Variants in TFG observed in about 807,000 individuals in gnomAD.
The protein encoded by TFG is protein TFG.
In TFG, 22 loss-of-function variants were observed where a neutral mutation model predicts 51.4. That is an observed-to-expected ratio of 0.43 (90% CI 0.31 to 0.61). TFG has a LOEUF of 0.61. TFG is among the 20% of genes least tolerant of loss of function. The pLI is 0.12. For synonymous variants in TFG, 187 were observed against 165.6 expected (o/e 1.13, Z -0.99); for missense variants, 419 against 487.7 (o/e 0.86, Z 1.33).
chr3:100,722,309 G>A (rs1470694071), intron 3 of TFG, among the ~76,000 whole-genome samples: 1 of 152,156 alleles, frequency 6.6e-6, no homozygotes, highest in African/African-American at 2.4e-5. Flanking sequence ...ATTAGTCATA[G>A]CTAAAAAGAG....
chr3:100,746,435 G>A (rs1433884115), intron 7 of TFG, among the ~76,000 whole-genome samples: 1 of 151,914 alleles, frequency 6.6e-6, no homozygotes, highest in Non-Finnish European at 1.5e-5. Flanking sequence ...GTATTTCCCT[G>A]TATCATTCTG....
intron 2 of TFG, 44 bp from the exon 3 acceptor site, chr3:100,719,931 A>AT (rs777663613): frequency 1.5e-5 from 20 of 1,300,116 alleles, no homozygotes; most frequent in Non-Finnish European, 2.0e-5. Flanking sequence ...AAATCTGAAA[A>AT]TTTAAAAAAT....
chr3:100,726,795 G>A (rs1033143995), intron 3 of TFG, among the ~76,000 whole-genome samples: 3 of 152,098 alleles, frequency 2.0e-5, no homozygotes, highest in African/African-American at 7.2e-5. Context: ...GCTTGGGTTT[G>A]TGTTACCTGA....
chr3:100,748,954 G>A lies in TFG; in HGVS notation c.*423G>A, dbSNP rs1337783786. The A allele has an allele frequency of 1.5e-5, 3 of 196,058 alleles. No individual in the cohort carries two copies. Among genetic ancestry groups the A allele is most frequent in the African/African-American group, 6.9e-5 (3 of 43,258 alleles). The allele number at this position is 196,058 out of a possible 1,614,324, so 12.1% of individuals were successfully genotyped here. On this transcript the variant is annotated 3_prime_UTR_variant, in exon 8 of 8. Transcript: ENST00000240851. ...ACACTGATGATAGGTTAATAAAGAT[G>A]ATTGAATCCATTAGTGGTCTTGAAA...
chr3:100,748,454 A>T lies in TFG; in HGVS notation c.1126A>T (p.Ser376Cys). 1 of 1,614,064 alleles carries T rather than the reference A, an allele frequency of 6.2e-7. No individual in the cohort carries two copies. The highest frequency in any genetic ancestry group is 8.5e-7 in the Non-Finnish European group (1 of 1,179,978). ...LPGSTMTPPP[S>C]GPNPYARNRP... The stretch of plus-strand genomic sequence containing the variant: ...TGGAAGTACCATGACCCCTCCTCCA[A>T]GTGGGCCTAATCCTTATGCGCGTAA... Residue 376 changes from serine to cysteine, a missense_variant, in exon 8 of 8, where the codon AGT becomes TGT. Transcript: ENST00000240851.
chr3:100,727,843 A>T (rs780860951), intron 3 of TFG, among the ~76,000 whole-genome samples: 5 of 152,034 alleles, frequency 3.3e-5, no homozygotes, highest in Non-Finnish European at 7.4e-5. Context: ...TTTATTTTTT[A>T]AAATTTTTTG....
chr3:100,730,001 A>G (rs930485872), intron 4 of TFG, among the ~76,000 whole-genome samples: 1 of 152,170 alleles, frequency 6.6e-6, no homozygotes, highest in East Asian at 1.9e-4. Flanking sequence ...GAAACCTTTT[A>G]TATTTCAGGT....
chr3:100,717,227 T>C (rs1370442189), intron 2 of TFG, among the ~76,000 whole-genome samples: 1 of 152,220 alleles, frequency 6.6e-6, no homozygotes, highest in African/African-American at 2.4e-5. Context: ...TATGTGTTTG[T>C]TCTCTTGGTC....
rs1029547914 is a variant in TFG, at chr3:100,709,718, G to A, written c.-47G>A. 2.6e-5 allele frequency: 4 copies of A among 151,704 alleles called. No individual in the cohort carries two copies. Among genetic ancestry groups the A allele is most frequent in the African/African-American group, 4.8e-5 (2 of 41,262 alleles). 9.4% of individuals were successfully genotyped at this position (151,704 alleles called of 1,614,324 possible). On this transcript the variant is annotated 5_prime_UTR_variant, in exon 1 of 8. Coordinates refer to ENST00000240851, the MANE Select transcript of TFG (RefSeq NM_006070.6). The stretch of plus-strand genomic sequence containing the variant: ...GAGGCGGCGGCCGCGGCCTCCGCAA[G>A]CCGGTATGGCCACTGGAGACGGGGG...
chr3:100,730,436 G>A (rs2095088331), intron 4 of TFG, among the ~76,000 whole-genome samples: 1 of 152,074 alleles, frequency 6.6e-6, no homozygotes, highest in Non-Finnish European at 1.5e-5. Context: ...GCCATATGTT[G>A]TTTTCTTGTA....
chr3:100,727,543 G>A (rs1239935625), intron 3 of TFG, among the ~76,000 whole-genome samples: 2 of 152,136 alleles, frequency 1.3e-5, no homozygotes, highest in Non-Finnish European at 2.9e-5. Context: ...ATTTTTGAAC[G>A]CCTGTCTTGG....
chr3:100,735,759 T>C (rs2095104626), intron 5 of TFG, among the ~76,000 whole-genome samples: 2 of 152,230 alleles, frequency 1.3e-5, no homozygotes, highest in African/African-American at 2.4e-5. Flanking sequence ...TTCATTATTT[T>C]GTAAGAATTA....
intron 6 of TFG, among the ~76,000 whole-genome samples, chr3:100,739,793 T>G (rs2095116293): frequency 6.6e-6 from 1 of 152,200 alleles, no homozygotes; most frequent in African/African-American, 2.4e-5. Flanking sequence ...CTCAGGTATT[T>G]CAGTATATAT....
intron 3 of TFG, among the ~76,000 whole-genome samples, chr3:100,722,126 G>C (rs2095062581): frequency 6.6e-6 from 1 of 152,138 alleles, no homozygotes; most frequent in Non-Finnish European, 1.5e-5. Flanking sequence ...ACTCCAGCCT[G>C]GGTGACAGAG....
At chr3:100,739,542 C>T (rs1281215170) in intron 6 of TFG, among the ~76,000 whole-genome samples, 1 of 151,924 alleles carries the variant, frequency 6.6e-6, no homozygotes, top group East Asian at 1.9e-4. Flanking sequence ...TGTTTGACAG[C>T]CTAAAAAAAT....
chr3:100,729,088 G>A lies in TFG; in HGVS notation c.415+230G>A, dbSNP rs79701652. Among the ~76,000 whole-genome samples the A allele has an allele frequency of 0.015, 2,220 of 152,230 alleles. 50 individuals carry two copies. Among genetic ancestry groups the A allele is most frequent in the African/African-American group, 0.05 (2,092 of 41,526 alleles). ...GATCTCATCATAGACCTACTGGAGC[G>A]TAGCACCTGGAAATCCCATTTTTAA... On this transcript the variant is annotated intron_variant, in intron 4 of 7. Transcript: ENST00000240851.
intron 3 of TFG, among the ~76,000 whole-genome samples, chr3:100,724,040 TAATG>T (rs947710527): frequency 2.6e-5 from 4 of 152,112 alleles, no homozygotes; most frequent in Non-Finnish European, 4.4e-5. Flanking sequence ...GAAGAAATAA[TAATG>T]GGAATTATAA....
At chr3:100,739,431 A>G (rs916611644) in intron 6 of TFG, among the ~76,000 whole-genome samples, 1 of 152,172 alleles carries the variant, frequency 6.6e-6, no homozygotes, top group African/African-American at 2.4e-5. Context: ...TCTTTTTCAT[A>G]TAAAGCCAGT....
At chr3:100,736,319 T>C (rs1006759978) in intron 5 of TFG, among the ~76,000 whole-genome samples, 1 of 152,100 alleles carries the variant, frequency 6.6e-6, no homozygotes, top group Admixed American at 6.6e-5. Context: ...TGAGTTTTGA[T>C]TTTTGCAGGG....
Sources: allele counts gnomAD v4.1 joint callset (sites outside exome capture counted in the v4.1 genomes callset), GRCh38; gene constraint gnomAD v4.1.1; transcripts MANE v1.5; gene names NCBI Gene and HGNC (gene_info 2026-07-23, HGNC 2026-07-21).